The following ANK2 variants were observed in gnomAD, a reference collection of about 807,000 sequenced individuals.
The protein encoded by ANK2 is ankyrin-2.
ANK2 carries 83 observed loss-of-function variants against 360.5 expected under a neutral mutation model. That is an observed-to-expected ratio of 0.23 (90% CI 0.19 to 0.28). ANK2 has a LOEUF of 0.28. ANK2 is among the 10% of genes least tolerant of loss of function. The pLI is 1.00. For missense variants in ANK2, 4,201 were observed against 4,795.7 expected (o/e 0.88, Z 3.66); for synonymous variants, 1,740 against 1,759.5 (o/e 0.99, Z 0.28).
the ANK2 span, among the ~76,000 whole-genome samples, chr4:112,752,163 G>A: frequency 2.0e-5 from 3 of 152,156 alleles, no homozygotes; most frequent in Non-Finnish European, 4.4e-5. Flanking sequence ...ACTGTGTTAG[G>A]AGGCTCACTC....
intron 4 of ANK2, among the ~76,000 whole-genome samples, chr4:113,231,560 A>T (rs1202185087): frequency 6.6e-6 from 1 of 152,044 alleles, no homozygotes; most frequent in Non-Finnish European, 1.5e-5. Flanking sequence ...TCCATATGTT[A>T]TGAACTTATA....
chr4:113,006,414 A>G (rs1479637665), intron 2 of ANK2, among the ~76,000 whole-genome samples: 3 of 152,246 alleles, frequency 2.0e-5, no homozygotes, highest in Non-Finnish European at 2.9e-5. Flanking sequence ...CCTCTTCAAC[A>G]TGTGAAAGGA....
At chr4:113,050,016 A>T (rs1467359568) in intron 1 of ANK2, among the ~76,000 whole-genome samples, 1 of 152,218 alleles carries the variant, frequency 6.6e-6, no homozygotes, top group African/African-American at 2.4e-5. Context: ...CATAATGGAT[A>T]CACTGACTGG....
the ANK2 span, among the ~76,000 whole-genome samples, chr4:112,747,846 A>T: frequency 6.6e-6 from 1 of 152,196 alleles, no homozygotes; most frequent in Non-Finnish European, 1.5e-5. Context: ...AGAAGTTGGT[A>T]AGGATTTCTG....
At chr4:113,091,188 T>A (rs897139110) in intron 1 of ANK2, among the ~76,000 whole-genome samples, 9 of 152,358 alleles carry the variant, frequency 5.9e-5, no homozygotes, top group South Asian at 2.1e-4. Flanking sequence ...CTGCTGTTTT[T>A]AAAATACTGC....
chr4:113,115,119 A>T (rs1274007390), intron 1 of ANK2, among the ~76,000 whole-genome samples: 4 of 152,136 alleles, frequency 2.6e-5, no homozygotes, highest in Non-Finnish European at 5.9e-5. Flanking sequence ...TCTCCAGAGT[A>T]CTTCAGAGGA....
At chr4:113,072,765 T>TTTTTTTTTTTTTTTTG (rs142762570) in intron 1 of ANK2, among the ~76,000 whole-genome samples, 1 of 121,196 alleles carries the variant, frequency 8.3e-6, no homozygotes, top group African/African-American at 2.7e-5. Context: ...TTTTTTTTTT[T>TTTTTTTTTTTTTTTTG]GCTGTCTTGT....
At chr4:112,967,148 A>C (rs2037599686) in intron 2 of ANK2, among the ~76,000 whole-genome samples, 2 of 152,208 alleles carry the variant, frequency 1.3e-5, no homozygotes, top group African/African-American at 4.8e-5. Flanking sequence ...CTGAGTTCCA[A>C]GTAAAGAAGT....
At chr4:113,187,687 T>C (rs1022603514) in intron 2 of ANK2, among the ~76,000 whole-genome samples, 1 of 152,222 alleles carries the variant, frequency 6.6e-6, no homozygotes, top group Non-Finnish European at 1.5e-5. Flanking sequence ...CTGACTTACA[T>C]GAACCTATTT....
chr4:112,862,386 C>A (rs1560834419), intron 1 of ANK2, among the ~76,000 whole-genome samples: 1 of 152,140 alleles, frequency 6.6e-6, no homozygotes, highest in Non-Finnish European at 1.5e-5. Context: ...TTCTAAGCTA[C>A]ACTTTTTGAC....
intron 2 of ANK2, among the ~76,000 whole-genome samples, chr4:112,929,133 G>C (rs766233739): frequency 6.6e-6 from 1 of 152,136 alleles, no homozygotes; most frequent in Admixed American, 6.5e-5. Flanking sequence ...GATTACAGGC[G>C]TGAGCCACCA....
chr4:113,014,848 CTTTTTTTTTTTTTTTT>C (rs530387481), intron 2 of ANK2, among the ~76,000 whole-genome samples: 10 of 70,330 alleles, frequency 1.4e-4, no homozygotes, highest in African/African-American at 5.8e-4. Context: ...GATCATAGAG[CTTTTTTTTTTTTTTTT>C]TTTTTTTTTT....
At chr4:112,854,892 G>A (rs1352471737) in intron 1 of ANK2, among the ~76,000 whole-genome samples, 1 of 152,056 alleles carries the variant, frequency 6.6e-6, no homozygotes, top group Non-Finnish European at 1.5e-5. Context: ...AGGGTGGTAT[G>A]ATTTAATTTG....
chr4:112,757,632 T>C, the ANK2 span, among the ~76,000 whole-genome samples: 1 of 152,216 alleles, frequency 6.6e-6, no homozygotes, highest in African/African-American at 2.4e-5. Context: ...TTGGACAGTT[T>C]ATCATTTATT....
the ANK2 span, among the ~76,000 whole-genome samples, chr4:112,758,207 AT>A: frequency 1.3e-4 from 19 of 148,734 alleles, no homozygotes; most frequent in East Asian, 1.6e-3. Flanking sequence ...GCCAAGATGG[AT>A]TTTTTTTTTA....
rs762934492 is a variant in ANK2, at chr4:113,369,699, A to C, written c.11504A>C (p.His3835Pro). ...IIQEPEEPSE[H>P]REESSPRKTS... ...CAAGAACCCGAAGAGCCCTCAGAGC[A>C]CAGAGAGGAGAGCTCTCCGCGGAAA... Residue 3835 changes from histidine (H) to proline (P), a missense_variant, in exon 43 of 46, where the codon CAC becomes CCC. Transcript: ENST00000357077. 2.0e-5 allele frequency: 33 copies of C among 1,614,146 alleles called. No homozygotes were observed. Among genetic ancestry groups the C allele is most frequent in the Non-Finnish European group, 2.8e-5 (33 of 1,180,008 alleles).
At chr4:112,865,021 G>A (rs1294878907) in intron 1 of ANK2, among the ~76,000 whole-genome samples, 1 of 97,480 alleles carries the variant, frequency 1.0e-5, no homozygotes, top group Non-Finnish European at 1.8e-5. Flanking sequence ...GACAGAGCGA[G>A]ACTCCATCTC....
chr4:113,236,959 A>G (rs1479782441), intron 5 of ANK2, 28 bp from the exon 6 acceptor site: 1 of 1,611,502 alleles, frequency 6.2e-7, no homozygotes, highest in African/African-American at 1.3e-5. Flanking sequence ...AGATGTTAAC[A>G]GACAATTTTT....
At chr4:113,269,301 G>A (rs367912470) in intron 14 of ANK2, among the ~76,000 whole-genome samples, 4 of 152,256 alleles carry the variant, frequency 2.6e-5, no homozygotes, top group East Asian at 1.9e-4. Flanking sequence ...TCTCACTGGC[G>A]TTCCAGGCGC....
Sources: gnomAD v4.1 joint callset for allele counts (sites outside exome capture counted in the v4.1 genomes callset) on GRCh38, gnomAD v4.1.1 for gene constraint, MANE v1.5 for transcripts, NCBI Gene and HGNC (gene_info 2026-07-23, HGNC 2026-07-21) for gene names.